Variants in MAPK8IP3 observed in about 807,000 individuals in gnomAD.
The protein encoded by MAPK8IP3 is C-Jun-amino-terminal kinase-interacting protein 3.
Under a neutral mutation model 157.8 loss-of-function variants are expected in MAPK8IP3, and 49 were observed. That is an observed-to-expected ratio of 0.31 (90% CI 0.25 to 0.39). MAPK8IP3 has a LOEUF of 0.39. MAPK8IP3 is among the 10% of genes least tolerant of loss of function. The pLI is 1.00. For synonymous variants in MAPK8IP3, 897 were observed against 777.7 expected, an observed-to-expected ratio of 1.15 and a Z score of -2.55; for missense variants, 1,478 against 1,889.4, an observed-to-expected ratio of 0.78 and a Z score of 4.04.
chr16:1,768,082 C>A lies in MAPK8IP3; in HGVS notation c.3537C>A (p.His1179Gln). Residue 1179 changes from histidine (H) to glutamine (Q), a missense_variant, in exon 29 of 32, where the codon CAC (histidine) becomes CAA (glutamine). Coordinates refer to ENST00000610761, the MANE Select transcript of MAPK8IP3 (RefSeq NM_001318852.2). ...SIPLTETVVL[H>Q]RGQLLGLRAN... ...CCATGTCCCCAGCTGTGGTCCTGCA[C>A]CGAGGCCAGCTCCTGGGGCTCCGAG... The A allele has an allele frequency of 6.2e-7, 1 of 1,612,348 alleles. No homozygotes were observed. Among genetic ancestry groups the A allele is most frequent in the Non-Finnish European group, 8.5e-7 (1 of 1,179,994 alleles).
At position 1,768,366 on chromosome 16, in the gene MAPK8IP3, G is replaced by C. The variant is rs1197294010; in HGVS notation, c.3730G>C (p.Val1244Leu). 6.2e-7 allele frequency: 1 copy of C among 1,601,226 alleles called. No homozygotes were observed. The highest frequency in any genetic ancestry group is 8.5e-7 in the Non-Finnish European group (1 of 1,179,380). The change falls in exon 30 of 32, where the codon GTC becomes CTC. Residue 1244 changes from valine (V) to leucine (L), a missense_variant. Around this residue, in one of 11 missense-constraint regions of MAPK8IP3, gnomAD observed 5 missense variants for 23.3 expected, o/e 0.21. Coordinates refer to ENST00000610761, the MANE Select transcript of MAPK8IP3 (RefSeq NM_001318852.2). Reference sequence around the variant, plus strand: ...GCACCGCGATGCCGTGAAGTTCTTTGTCTCGGTGCCAGGTGAGGCTGGGCC... The same window carrying C: ...GCACCGCGATGCCGTGAAGTTCTTTCTCTCGGTGCCAGGTGAGGCTGGGCC... ...HGHRDAVKFF[V>L]SVPGNVLATL...
At chr16:1,739,424 C>G in intron 4 of MAPK8IP3, among the ~76,000 whole-genome samples, 1 of 124,534 alleles carries the variant, frequency 8.0e-6, no homozygotes, top group African/African-American at 3.1e-5. Context: ...ATCCCTGTGA[C>G]CGTCCGTGTG....
rs1447929169 is a variant in MAPK8IP3, at chr16:1,753,443, T to G, written c.1217-4705T>G. 3.5e-5 allele frequency among the ~76,000 whole-genome samples: 5 copies of G among 143,716 alleles called. No homozygotes were observed. In the Middle Eastern group the frequency reaches 0.017, roughly 496 times the overall value. 94.3% of individuals were successfully genotyped at this position (143,716 alleles called of 152,430 possible). On this transcript the variant is annotated intron_variant, in intron 8 of 31. Transcript: ENST00000610761. ...AGCCCACATACCATTATTTATTTAT[T>G]TATTTATTTATTTTTGAGACGGAGT...
Position 1,758,167 on chromosome 16 carries a change from T to TCTCA in MAPK8IP3, c.1228+12_1228+15dup. 6.2e-7 allele frequency: 1 copy of TCTCA among 1,613,670 alleles called. No homozygotes were observed. Reference sequence around the variant, plus strand: ...CGCCAGGGGAGTTCTCAGGTGAGTATCTCACTCTCCTGTCTGTCTCCCCTC... The same window carrying TCTCA: ...CGCCAGGGGAGTTCTCAGGTGAGTATCTCACTCACTCTCCTGTCTGTCTCCCCTC... On this transcript the variant is annotated intron_variant, in intron 9 of 31. Coordinates refer to ENST00000610761, the MANE Select transcript of MAPK8IP3 (RefSeq NM_001318852.2).
chr16:1,765,885 C>T (rs1457270831), intron 20 of MAPK8IP3, 75 bp from the exon 21 acceptor site: 2 of 1,378,708 alleles, frequency 1.5e-6, no homozygotes, highest in Non-Finnish European at 2.0e-6. Flanking sequence ...TTCCTCTGCC[C>T]CTGTGTAAGT....
At position 1,747,113 on chromosome 16, in the gene MAPK8IP3, A is replaced by G. The variant is rs1322247703; in HGVS notation, c.832A>G (p.Thr278Ala). The G allele has an allele frequency of 6.2e-7, 1 of 1,613,908 alleles. No individual in the cohort carries two copies. The highest frequency in any genetic ancestry group is 1.3e-5 in the African/African-American group (1 of 75,044). Reference protein sequence around the residue: ...STTGTKSNTPTSSVPSAAVTP... With the variant: ...STTGTKSNTPASSVPSAAVTP... ...CACAGGCACCAAGTCCAACACGCCC[A>G]CATCCTCCGTGCCCTCGGCCGCCGT... is the stretch of plus-strand genomic sequence containing the variant. Residue 278 changes from threonine to alanine, a missense_variant, in exon 6 of 32, where the codon ACA (threonine) becomes GCA (alanine). By Grantham distance (58) the Thr-to-Ala change is moderately conservative. Transcript: ENST00000610761.
intron 1 of MAPK8IP3, among the ~76,000 whole-genome samples, chr16:1,712,263 G>A (rs1265168170): frequency 4.0e-5 from 6 of 151,630 alleles, no homozygotes; most frequent in African/African-American, 7.3e-5. Flanking sequence ...GGGTTTCACC[G>A]TGTTAGCCAG....
intron 4 of MAPK8IP3, among the ~76,000 whole-genome samples, chr16:1,736,838 G>A (rs564595667): frequency 8.9e-5 from 7 of 78,532 alleles, no homozygotes; most frequent in African/African-American, 1.1e-4. Flanking sequence ...CCGTGTGAGC[G>A]TGTGACCGTC....
At chr16:1,756,278 C>G (rs2041593904) in intron 8 of MAPK8IP3, among the ~76,000 whole-genome samples, 1 of 152,232 alleles carries the variant, frequency 6.6e-6, no homozygotes, top group Non-Finnish European at 1.5e-5. Flanking sequence ...TCATGCCTGC[C>G]AAGGCAGGTG....
At chr16:1,730,938 G>A (rs2039276452) in intron 4 of MAPK8IP3, among the ~76,000 whole-genome samples, 1 of 151,528 alleles carries the variant, frequency 6.6e-6, no homozygotes, top group Non-Finnish European at 1.5e-5. Flanking sequence ...TCAGGAGTTT[G>A]AGACCAGCCT....
rs376122973 is a variant in MAPK8IP3 at position 1,765,198 on chromosome 16, G to A, written c.2446+20G>A. Reference sequence around the variant, plus strand: ...TCCCCGGTGAGCAGCTGGAGTGGGCGTTTCCACTCGGGCGCCACTCCCTTT... The same window carrying A: ...TCCCCGGTGAGCAGCTGGAGTGGGCATTTCCACTCGGGCGCCACTCCCTTT... On this transcript the variant is annotated intron_variant, in intron 20 of 31. Transcript: ENST00000610761. 66 of 1,577,426 alleles carry A rather than the reference G, an allele frequency of 4.2e-5. No homozygotes were observed. Among genetic ancestry groups the A allele is most frequent in the East Asian group, 2.3e-4 (10 of 43,660 alleles).
intron 4 of MAPK8IP3, among the ~76,000 whole-genome samples, chr16:1,733,331 TC>T (rs1243306086): frequency 6.6e-6 from 1 of 151,922 alleles, no homozygotes; most frequent in African/African-American, 2.4e-5. Context: ...GAGCCCAGGT[TC>T]CGAGTTGCAG....
intron 10 of MAPK8IP3, 143 bp downstream of exon 10, chr16:1,759,138 G>C: frequency 8.9e-7 from 1 of 1,119,744 alleles, no homozygotes; most frequent in South Asian, 1.4e-5. Context: ...AGTGAAGCTC[G>C]CTCTGTCCAG....
intron 8 of MAPK8IP3, 193 bp downstream of exon 8, chr16:1,748,913 C>G: frequency 2.8e-6 from 2 of 723,056 alleles, no homozygotes; most frequent in Non-Finnish European, 5.1e-6. Context: ...TCTGGACTGC[C>G]CCAAGGATGC....
At position 1,769,895 on chromosome 16, in the gene MAPK8IP3, C is replaced by A. The variant is rs2141968050; in HGVS notation, c.*1071C>A. 1 of 152,456 alleles carries A rather than the reference C, an allele frequency of 6.6e-6. No homozygotes were observed. Among genetic ancestry groups the A allele is most frequent in the South Asian group, 2.1e-4 (1 of 4,832 alleles). The allele number at this position is 152,456 out of a possible 1,614,324, so 9.4% of individuals were successfully genotyped here. A position where few individuals can be genotyped will look rare whatever the true frequency, so the allele number is the denominator to read the frequency against. On this transcript the variant is annotated 3_prime_UTR_variant, in exon 32 of 32. Transcript: ENST00000610761. ...CGTGGGGCTGAGGATGGAGCCGCCC[C>A]CAGCCGACTCCAAGCCCGCAGAGGG... is the stretch of plus-strand genomic sequence containing the variant.
At position 1,741,495 on chromosome 16, in the gene MAPK8IP3, G is replaced by T. The variant is rs2040677450; in HGVS notation, c.603-1837G>T. Among the ~76,000 whole-genome samples the T allele has an allele frequency of 6.6e-6, 1 of 152,138 alleles. No individual in the cohort carries two copies. On this transcript the variant is annotated intron_variant, in intron 4 of 31. Coordinates refer to ENST00000610761, the MANE Select transcript of MAPK8IP3 (RefSeq NM_001318852.2). This position sits in a 1 kb window ranked among gnomAD's most constrained non-coding sequence, Gnocchi z 6.9. ...GACCAGAGGCCCCTCTGACCCTGCT[G>T]TCCCCTGTAGCATCTGGTGACAGCC...
intron 19 of MAPK8IP3, 32 bp downstream of exon 19, chr16:1,764,491 C>G: frequency 6.2e-7 from 1 of 1,600,932 alleles, no homozygotes. Context: ...GGGCACCCTC[C>G]CTGGCTTAGT....
At chr16:1,738,792 T>A (rs1596657246) in intron 4 of MAPK8IP3, among the ~76,000 whole-genome samples, 3 of 129,896 alleles carry the variant, frequency 2.3e-5, no homozygotes, top group African/African-American at 5.8e-5. Context: ...AGCGTCCGTG[T>A]GAGTGTGACC....
intron 2 of MAPK8IP3, among the ~76,000 whole-genome samples, chr16:1,725,184 TATA>T (rs910450425): frequency 6.0e-5 from 9 of 148,924 alleles, no homozygotes; most frequent in Non-Finnish European, 1.2e-4. Flanking sequence ...TTATTATTAT[TATA>T]AGAACAGTTG....
Sources: gnomAD v4.1 joint callset for allele counts (sites outside exome capture counted in the v4.1 genomes callset) on GRCh38, gnomAD v4.1.1 for gene constraint, gnomAD v4.1.1 regional missense constraint, Gnocchi (gnomAD v3.1) non-coding constraint, MANE v1.5 for transcripts, NCBI Gene and HGNC (gene_info 2026-07-23, HGNC 2026-07-21) for gene names.